Variants in SYNPR observed in about 807,000 individuals in gnomAD.
SYNPR encodes synaptoporin.
Under a neutral mutation model 32.9 loss-of-function variants are expected in SYNPR, and 23 were observed. The ratio of observed to expected loss-of-function variants is 0.70; its 90% CI spans 0.50 to 0.99. The LOEUF (loss-of-function observed/expected upper bound fraction) is 0.99. SYNPR is among the 50% of genes least tolerant of loss of function. SYNPR has a pLI of 0.00. For missense variants in SYNPR, 318 were observed against 349.3 expected, an observed-to-expected ratio of 0.91 and a Z score of 0.71; for synonymous variants, 146 against 135.9, an observed-to-expected ratio of 1.07 and a Z score of -0.52.
intron 2 of SYNPR, among the ~76,000 whole-genome samples, chr3:63,391,485 A>G (rs2088136241): frequency 6.6e-6 from 1 of 152,184 alleles, no homozygotes; most frequent in Non-Finnish European, 1.5e-5. Context: ...CACCATAAGC[A>G]TCCACTACCA....
intron 3 of SYNPR, among the ~76,000 whole-genome samples, chr3:63,520,543 C>T (rs930819143): frequency 1.3e-5 from 2 of 152,076 alleles, no homozygotes; most frequent in African/African-American, 4.8e-5. Context: ...CGTGATGGCA[C>T]GCGCCTGTAA....
At position 63,393,039 on chromosome 3, in the gene SYNPR, G is replaced by T. The variant is rs139796591; in HGVS notation, c.85-87793G>T. Among the ~76,000 whole-genome samples, 596 of 152,248 alleles carry T rather than the reference G, an allele frequency of 3.9e-3. 5 individuals are homozygous for T. The highest frequency in any genetic ancestry group is 0.014 in the African/African-American group (585 of 41,542). ...GTGGATGGGAGTCTCAAACACACATGATAGCATTCCCTAACAATTGTTCTA... is the reference window on the plus strand; with the variant it reads ...GTGGATGGGAGTCTCAAACACACATTATAGCATTCCCTAACAATTGTTCTA... On this transcript the variant is annotated intron_variant, in intron 2 of 5. Coordinates refer to ENST00000478300, the MANE Select transcript of SYNPR (RefSeq NM_001130003.2).
chr3:63,525,839 T>A (rs1289711223), intron 3 of SYNPR, among the ~76,000 whole-genome samples: 2 of 152,128 alleles, frequency 1.3e-5, no homozygotes, highest in African/African-American at 4.8e-5. Context: ...TATAAAGTAA[T>A]ACCTGAGACT....
intron 3 of SYNPR, among the ~76,000 whole-genome samples, chr3:63,507,120 C>G (rs35363187): frequency 0.021 from 3,137 of 151,392 alleles, 44 homozygotes; most frequent in Non-Finnish European, 0.032. Flanking sequence ...GCACTCCAGC[C>G]TGGGTGACAG....
chr3:63,514,106 A>G (rs976847807), intron 3 of SYNPR, among the ~76,000 whole-genome samples: 1 of 152,146 alleles, frequency 6.6e-6, no homozygotes, highest in Non-Finnish European at 1.5e-5. Context: ...CTTTTAGATC[A>G]GTAAAGCACT....
intron 4 of SYNPR, among the ~76,000 whole-genome samples, chr3:63,579,791 ACAC>A (rs1703057228): frequency 5.3e-4 from 1 of 1,884 alleles, no homozygotes; most frequent in Admixed American, 8.3e-3. Flanking sequence ...TAACTAAAAC[ACAC>A]ACACACACAC....
At chr3:63,533,824 C>A (rs1425516413) in intron 3 of SYNPR, among the ~76,000 whole-genome samples, 3 of 152,110 alleles carry the variant, frequency 2.0e-5, no homozygotes. Flanking sequence ...ATCGAATAGA[C>A]CCTTCCATAA....
At chr3:63,248,577 G>A (rs560175141) in intron 1 of SYNPR, among the ~76,000 whole-genome samples, 2 of 152,120 alleles carry the variant, frequency 1.3e-5, no homozygotes, top group South Asian at 4.2e-4. Flanking sequence ...TCATGCAGTT[G>A]GTAATCAGTA....
intron 2 of SYNPR, among the ~76,000 whole-genome samples, chr3:63,375,142 C>G (rs6788753): frequency 0.4 from 60,727 of 151,950 alleles, 12,413 homozygotes; most frequent in Middle Eastern, 0.52. Context: ...ATTAGTTTAA[C>G]CATTGTGGAA....
intron 2 of SYNPR, among the ~76,000 whole-genome samples, chr3:63,444,957 A>AAAAAC (rs1177943431): frequency 6.6e-6 from 1 of 151,028 alleles, no homozygotes; most frequent in Non-Finnish European, 1.5e-5. Flanking sequence ...TTGTTGGAAA[A>AAAAAC]AAAACAAAAC....
intron 2 of SYNPR, among the ~76,000 whole-genome samples, chr3:63,306,358 C>A (rs547669541): frequency 7.2e-5 from 11 of 151,844 alleles, no homozygotes; most frequent in Admixed American, 7.2e-4. Flanking sequence ...GAATTTAAAG[C>A]AATCCTGTGG....
At chr3:63,416,058 G>T (rs1445370558) in intron 2 of SYNPR, among the ~76,000 whole-genome samples, 1 of 152,300 alleles carries the variant, frequency 6.6e-6, no homozygotes, top group East Asian at 1.9e-4. Context: ...GAAGCCAATT[G>T]GTTGGAGTAA....
intron 1 of SYNPR, among the ~76,000 whole-genome samples, chr3:63,237,991 T>C (rs2086212244): frequency 6.6e-6 from 1 of 152,134 alleles, no homozygotes; most frequent in African/African-American, 2.4e-5. Context: ...CTGGACTTGC[T>C]TGATGTTGTT....
intron 2 of SYNPR, among the ~76,000 whole-genome samples, chr3:63,291,214 C>A (rs770304667): frequency 7.8e-6 from 1 of 128,608 alleles, no homozygotes. Context: ...ATTTTACCTA[C>A]ATCAAAGGTG....
At chr3:63,577,509 G>GA (rs746640621) in intron 4 of SYNPR, among the ~76,000 whole-genome samples, 7 of 152,124 alleles carry the variant, frequency 4.6e-5, no homozygotes, top group African/African-American at 1.7e-4. Flanking sequence ...TCAAATGTGA[G>GA]AAAAAAATGT....
intron 2 of SYNPR, among the ~76,000 whole-genome samples, chr3:63,261,130 C>T (rs35620534): frequency 1.3e-5 from 2 of 151,608 alleles, no homozygotes; most frequent in South Asian, 2.1e-4. Context: ...ACTGCAAACT[C>T]GTTCAACCAT....
chr3:63,585,288 A>T (rs1047855569), intron 4 of SYNPR, among the ~76,000 whole-genome samples: 2 of 152,068 alleles, frequency 1.3e-5, no homozygotes, highest in Admixed American at 1.3e-4. Flanking sequence ...AAAATTACAA[A>T]TTTTTTTCAT....
intron 3 of SYNPR, among the ~76,000 whole-genome samples, chr3:63,509,145 G>A (rs1411366889): frequency 1.4e-5 from 2 of 145,774 alleles, no homozygotes; most frequent in South Asian, 2.2e-4. Context: ...TATATGTATG[G>A]GTATATCTAT....
At chr3:63,255,408 TG>T (rs1160812900) in intron 2 of SYNPR, among the ~76,000 whole-genome samples, 1 of 152,172 alleles carries the variant, frequency 6.6e-6, no homozygotes, top group African/African-American at 2.4e-5. Flanking sequence ...GGGCCTGCCA[TG>T]TCAGGCCTTG....
Sources: gnomAD v4.1 joint callset for allele counts (sites outside exome capture counted in the v4.1 genomes callset) on GRCh38, gnomAD v4.1.1 for gene constraint, MANE v1.5 for transcripts, NCBI Gene and HGNC (gene_info 2026-07-23, HGNC 2026-07-21) for gene names.